The following PDE4D variants were observed in gnomAD, a reference collection of about 807,000 sequenced individuals.
The protein encoded by PDE4D is phosphodiesterase 4D.
PDE4D carries 24 observed loss-of-function variants against 87.4 expected under a neutral mutation model. That is an observed-to-expected ratio of 0.27 (90% confidence interval 0.20 to 0.39). The LOEUF (loss-of-function observed/expected upper bound fraction) is 0.39, where lower values mean the gene tolerates loss of function less well. PDE4D is among the 10% of genes least tolerant of loss of function. The pLI is 1.00. For missense variants in PDE4D, 714 were observed against 1,041.0 expected (o/e 0.69, Z 4.32); for synonymous variants, 384 against 383.2 (o/e 1.00, Z -0.02).
At chr5:59,643,965 G>A (rs1455854444) in intron 1 of PDE4D, among the ~76,000 whole-genome samples, 1 of 152,132 alleles carries the variant, frequency 6.6e-6, no homozygotes, top group Non-Finnish European at 1.5e-5. Context: ...TAAATGTTAT[G>A]CACTTCAAGA....
At chr5:59,338,834 A>C (rs1252574638) in intron 1 of PDE4D, among the ~76,000 whole-genome samples, 2 of 152,196 alleles carry the variant, frequency 1.3e-5, no homozygotes, top group Non-Finnish European at 2.9e-5. Context: ...AGCAACTATT[A>C]ATGAAAGTCT....
At chr5:59,496,465 T>A (rs915114197) in intron 1 of PDE4D, among the ~76,000 whole-genome samples, 4 of 152,118 alleles carry the variant, frequency 2.6e-5, no homozygotes, top group African/African-American at 4.8e-5. Context: ...TCACCCTTCT[T>A]TACCCAGCAC....
At chr5:59,273,046 T>C (rs1450821758) in intron 1 of PDE4D, among the ~76,000 whole-genome samples, 1 of 151,814 alleles carries the variant, frequency 6.6e-6, no homozygotes, top group Non-Finnish European at 1.5e-5. Context: ...GTAATCAGAG[T>C]GAAGATGGTA....
intron 6 of PDE4D, among the ~76,000 whole-genome samples, chr5:59,017,713 A>C (rs764251128): frequency 1.2e-4 from 18 of 152,234 alleles, no homozygotes; most frequent in Non-Finnish European, 2.6e-4. Flanking sequence ...AAAGCCTAAG[A>C]AACTTCCTTA....
At chr5:59,106,676 C>T (rs1771634010) in intron 5 of PDE4D, among the ~76,000 whole-genome samples, 1 of 152,218 alleles carries the variant, frequency 6.6e-6, no homozygotes, top group South Asian at 2.1e-4. Flanking sequence ...AGGAGAATCG[C>T]TTGAACCCGG....
intron 6 of PDE4D, among the ~76,000 whole-genome samples, chr5:59,004,110 T>G (rs898587828): frequency 1.3e-5 from 2 of 151,292 alleles, no homozygotes; most frequent in Non-Finnish European, 2.9e-5. Flanking sequence ...TGAATACATA[T>G]AGGCTAAATA....
chr5:59,794,586 T>G (rs1163709108), intron 1 of PDE4D, among the ~76,000 whole-genome samples: 1 of 152,118 alleles, frequency 6.6e-6, no homozygotes, highest in Non-Finnish European at 1.5e-5. Context: ...AATTGTCACC[T>G]CCTGCATTGT....
chr5:59,633,571 G>T (rs182024535), intron 1 of PDE4D, among the ~76,000 whole-genome samples: 153 of 152,284 alleles, frequency 1.0e-3, no homozygotes, highest in African/African-American at 3.3e-3. Context: ...AGAAGAGAGT[G>T]GGGGCCAATA....
chr5:59,158,483 T>C (rs1780563839), intron 5 of PDE4D, among the ~76,000 whole-genome samples: 1 of 152,210 alleles, frequency 6.6e-6, no homozygotes. Context: ...CAGAATTTTC[T>C]TTTAACTCTT....
chr5:59,739,155 C>T (rs1320949494), intron 1 of PDE4D, among the ~76,000 whole-genome samples: 1 of 152,140 alleles, frequency 6.6e-6, no homozygotes, highest in Non-Finnish European at 1.5e-5. Context: ...TGCAGTGGCT[C>T]ACACCTGTAA....
At chr5:60,414,592 A>G (rs190796897) in intron 1 of PDE4D, among the ~76,000 whole-genome samples, 163 of 152,380 alleles carry the variant, frequency 1.1e-3, no homozygotes, top group Non-Finnish European at 1.7e-3. Flanking sequence ...AAGAAAAGAC[A>G]GAATATGCAA....
Position 58,970,891 on chromosome 5 carries a change from C to T in PDE4D, c.*3773G>A, listed in dbSNP as rs1489228647. ...ATCACTGGGAAAGAATATATTTCCCCAGTTGTGTTTCCGAGTTAAAAAAAA... is the reference window on the plus strand; with the variant it reads ...ATCACTGGGAAAGAATATATTTCCCTAGTTGTGTTTCCGAGTTAAAAAAAA... On this transcript the variant is annotated 3_prime_UTR_variant, in exon 15 of 15. Coordinates refer to ENST00000340635, the MANE Select transcript of PDE4D (RefSeq NM_001104631.2). 6.7e-6 allele frequency: 1 copy of T among 148,482 alleles called. No individual in the cohort carries two copies. The highest frequency in any genetic ancestry group is 2.5e-5 in the African/African-American group (1 of 39,570). 9.2% of individuals were successfully genotyped at this position (148,482 alleles called of 1,614,324 possible). A position where few individuals can be genotyped will look rare whatever the true frequency, so the allele number is the denominator to read the frequency against.
chr5:60,505,931 C>T (rs1453102883), intron 1 of PDE4D, among the ~76,000 whole-genome samples: 3 of 152,226 alleles, frequency 2.0e-5, no homozygotes, highest in Non-Finnish European at 4.4e-5. Context: ...TGCTGCCTGT[C>T]TCTAGCCCAG....
At chr5:60,517,963 G>A (rs1483900761) in intron 1 of PDE4D, among the ~76,000 whole-genome samples, 1 of 152,236 alleles carries the variant, frequency 6.6e-6, no homozygotes, top group Non-Finnish European at 1.5e-5. Context: ...GCCCAGACCT[G>A]GGAGCTCCCC....
intron 1 of PDE4D, among the ~76,000 whole-genome samples, chr5:60,470,532 G>C (rs543152135): frequency 5.9e-5 from 9 of 152,134 alleles, no homozygotes; most frequent in Non-Finnish European, 1.2e-4. Context: ...CATTGCTAAA[G>C]AGAAGTCAAT....
chr5:59,071,579 G>A (rs948163878), intron 5 of PDE4D, among the ~76,000 whole-genome samples: 11 of 135,752 alleles, frequency 8.1e-5, no homozygotes, highest in Admixed American at 2.3e-4. Flanking sequence ...CTTTTGTTTC[G>A]TGGAAGCAAT....
At chr5:59,145,224 T>C (rs1421404971) in intron 5 of PDE4D, among the ~76,000 whole-genome samples, 1 of 152,158 alleles carries the variant, frequency 6.6e-6, no homozygotes, top group Non-Finnish European at 1.5e-5. Flanking sequence ...GTAATGGAAA[T>C]GAGGTTCCTG....
At chr5:59,447,644 T>C (rs1798538007) in intron 1 of PDE4D, among the ~76,000 whole-genome samples, 1 of 152,236 alleles carries the variant, frequency 6.6e-6, no homozygotes, top group African/African-American at 2.4e-5. Flanking sequence ...TTTGGGACAG[T>C]GCACAGAATG....
chr5:60,187,995 CTCACCATCA>C (rs1784918218), intron 1 of PDE4D, among the ~76,000 whole-genome samples: 7 of 152,110 alleles, frequency 4.6e-5, no homozygotes, highest in Admixed American at 3.9e-4. Flanking sequence ...GTATTTGGGT[CTCACCATCA>C]TCATATCTTT....
Sources: allele counts gnomAD v4.1 joint callset (sites outside exome capture counted in the v4.1 genomes callset), GRCh38; gene constraint gnomAD v4.1.1; transcripts MANE v1.5; gene names NCBI Gene and HGNC (gene_info 2026-07-23, HGNC 2026-07-21).